SLC9D1: variants seen among roughly 807,000 people sequenced by gnomAD.
SLC9D1 encodes putative LAG1-interacting protein.
the SLC9D1 span, among the ~76,000 whole-genome samples, chr13:113,541,241 C>G: frequency 1.3e-5 from 2 of 151,846 alleles, no homozygotes; most frequent in African/African-American, 2.4e-5. Context: ...GATTGCTGAT[C>G]ACTGCCATGC....
At chr13:113,491,246 A>C in the SLC9D1 span, 1 of 152,234 alleles carries the variant, frequency 6.6e-6, no homozygotes, top group African/African-American at 2.4e-5. Context: ...CTCGGGCCGG[A>C]CGGGCGGGCG....
chr13:113,539,572 G>T, the SLC9D1 span: 13 of 1,508,322 alleles, frequency 8.6e-6, no homozygotes, highest in African/African-American at 1.3e-4. The surrounding 1 kb of genome is among the most constrained non-coding windows in gnomAD (Gnocchi z 4.8). Context: ...TCTGTAATAT[G>T]TTTACGTGCA....
At chr13:113,497,417 G>A in the SLC9D1 span, among the ~76,000 whole-genome samples, 1 of 150,036 alleles carries the variant, frequency 6.7e-6, no homozygotes, top group Non-Finnish European at 1.5e-5. Context: ...GAGACCTGCA[G>A]CTCTGTGTGA....
chr13:113,526,658 G>A, the SLC9D1 span, among the ~76,000 whole-genome samples: 1 of 152,226 alleles, frequency 6.6e-6, no homozygotes, highest in Non-Finnish European at 1.5e-5. Context: ...GATAAAGGCT[G>A]CAGTGAGCTG....
chr13:113,538,502 G>C, the SLC9D1 span, among the ~76,000 whole-genome samples: 2 of 152,216 alleles, frequency 1.3e-5, no homozygotes, highest in African/African-American at 2.4e-5. Context: ...TGGCGCTCCT[G>C]TGCGTCTGTT....
At chr13:113,543,079 CT>C in the SLC9D1 span, among the ~76,000 whole-genome samples, 63 of 112,734 alleles carry the variant, frequency 5.6e-4, no homozygotes, top group African/African-American at 1.7e-3. Context: ...CCCGCCCTAC[CT>C]CTGTCTGTGA....
chr13:113,543,170 G>GT, the SLC9D1 span, among the ~76,000 whole-genome samples: 1,036 of 49,262 alleles, frequency 0.021, 76 homozygotes, highest in East Asian at 0.034. Context: ...ACCTCTGTCC[G>GT]GACCCCACCT....
the SLC9D1 span, among the ~76,000 whole-genome samples, chr13:113,492,928 T>C: frequency 7.2e-5 from 11 of 152,222 alleles, no homozygotes; most frequent in South Asian, 1.2e-3. Context: ...AAAAACACAT[T>C]ACAGGAATCC....
the SLC9D1 span, among the ~76,000 whole-genome samples, chr13:113,526,560 A>C: frequency 6.6e-6 from 1 of 152,030 alleles, no homozygotes; most frequent in South Asian, 2.1e-4. Flanking sequence ...CTCTACCAAA[A>C]AAAAAAAAAT....
the SLC9D1 span, among the ~76,000 whole-genome samples, chr13:113,499,465 C>T: frequency 2.6e-5 from 4 of 152,146 alleles, no homozygotes; most frequent in Non-Finnish European, 5.9e-5. Context: ...AACAGGGGAA[C>T]ATTGAACTTC....
chr13:113,503,439 G>C, the SLC9D1 span: 2 of 1,358,282 alleles, frequency 1.5e-6, no homozygotes, highest in Admixed American at 1.7e-5. Flanking sequence ...GTTGAGTTAA[G>C]TATACTTAAT....
chr13:113,526,135 C>T, the SLC9D1 span, among the ~76,000 whole-genome samples: 1 of 152,114 alleles, frequency 6.6e-6, no homozygotes, highest in South Asian at 2.1e-4. Context: ...AGGATGCGGA[C>T]GTGGAAGACA....
At chr13:113,506,676 G>C in the SLC9D1 span, among the ~76,000 whole-genome samples, 1 of 152,122 alleles carries the variant, frequency 6.6e-6, no homozygotes, top group African/African-American at 2.4e-5. Flanking sequence ...GCGTCAACAA[G>C]GCACTGATCT....
At chr13:113,540,619 TA>T in the SLC9D1 span, among the ~76,000 whole-genome samples, 1 of 152,224 alleles carries the variant, frequency 6.6e-6, no homozygotes, top group African/African-American at 2.4e-5. Context: ...AAGTTCCTGA[TA>T]GATTATAGAT....
the SLC9D1 span, among the ~76,000 whole-genome samples, chr13:113,495,109 C>G: frequency 2.5e-3 from 379 of 152,356 alleles, 2 homozygotes; most frequent in African/African-American, 8.7e-3. Flanking sequence ...CTGCCTTGGT[C>G]TCCCAAAGTG....
the SLC9D1 span, chr13:113,534,046 A>G: frequency 1.4e-5 from 22 of 1,590,024 alleles, no homozygotes; most frequent in Non-Finnish European, 1.9e-5. Flanking sequence ...CTTTCCCAGC[A>G]TTGTCGTGGA....
the SLC9D1 span, among the ~76,000 whole-genome samples, chr13:113,491,597 G>A: frequency 6.6e-6 from 1 of 152,160 alleles, no homozygotes; most frequent in Non-Finnish European, 1.5e-5. Flanking sequence ...ATTGTCTCCC[G>A]GGGTCGGGTG....
At chr13:113,523,993 GTTC>G in the SLC9D1 span, 2 of 401,380 alleles carry the variant, frequency 5.0e-6, no homozygotes, top group Non-Finnish European at 1.0e-5. Context: ...TATGATTTCA[GTTC>G]TTCTACATTT....
the SLC9D1 span, among the ~76,000 whole-genome samples, chr13:113,516,604 A>T: frequency 6.6e-6 from 1 of 151,698 alleles, no homozygotes; most frequent in Non-Finnish European, 1.5e-5. Flanking sequence ...AGAAATTTGT[A>T]TATAGCCCAA....
Sources: gnomAD v4.1 joint callset for allele counts (sites outside exome capture counted in the v4.1 genomes callset) on GRCh38, gnomAD v4.1.1 for gene constraint, Gnocchi (gnomAD v3.1) non-coding constraint, MANE v1.5 for transcripts, NCBI Gene and HGNC (gene_info 2026-07-23, HGNC 2026-07-21) for gene names.